BLNK: variants seen among roughly 807,000 people sequenced by gnomAD.
The protein encoded by BLNK is B-cell linker protein.
A neutral mutation model predicts 73.5 loss-of-function variants in BLNK; 29 were observed. That is an observed-to-expected ratio of 0.39 (90% CI 0.29 to 0.54). The LOEUF is 0.54. BLNK is among the 20% of genes least tolerant of loss of function. BLNK has a pLI of 0.61. For synonymous variants in BLNK, 176 were observed against 200.8 expected, an observed-to-expected ratio of 0.88 and a Z score of 1.04; for missense variants, 460 against 562.8, an observed-to-expected ratio of 0.82 and a Z score of 1.85.
chr10:96,219,796 A>C (rs1195889423), intron 6 of BLNK, among the ~76,000 whole-genome samples: 1 of 152,224 alleles, frequency 6.6e-6, no homozygotes, highest in Admixed American at 6.5e-5. Flanking sequence ...AAGCAGCCCC[A>C]AAATCATTTT....
chr10:96,213,959 G>A (rs902519146), intron 8 of BLNK, among the ~76,000 whole-genome samples: 2 of 152,214 alleles, frequency 1.3e-5, no homozygotes, highest in Admixed American at 6.5e-5. Context: ...GAGAGGTTAA[G>A]TAAAACCAGA....
intron 8 of BLNK, among the ~76,000 whole-genome samples, chr10:96,210,918 G>C (rs1043064639): frequency 4.1e-5 from 6 of 147,616 alleles, no homozygotes; most frequent in Non-Finnish European, 1.5e-5. Flanking sequence ...ACCCAGGCTG[G>C]AGTGCAGTGG....
intron 9 of BLNK, among the ~76,000 whole-genome samples, chr10:96,209,559 A>G (rs1294920104): frequency 6.6e-6 from 1 of 151,982 alleles, no homozygotes; most frequent in African/African-American, 2.4e-5. Flanking sequence ...CGCCTGGCTA[A>G]TTTTTGTATT....
intron 3 of BLNK, chr10:96,238,815 T>A: frequency 7.9e-6 from 2 of 252,682 alleles, no homozygotes. Flanking sequence ...CATCAATGGA[T>A]TTGCAGGGGT....
intron 1 of BLNK, among the ~76,000 whole-genome samples, chr10:96,256,026 A>G (rs1554911017): frequency 1.3e-5 from 2 of 152,188 alleles, no homozygotes; most frequent in African/African-American, 4.8e-5. Context: ...AAAATTGAAC[A>G]CTGCCAATAA....
At chr10:96,221,928 C>T (rs1554901224) in intron 6 of BLNK, among the ~76,000 whole-genome samples, 1 of 152,104 alleles carries the variant, frequency 6.6e-6, no homozygotes, top group African/African-American at 2.4e-5. Context: ...AAAAAAGAGA[C>T]CAGGATTCAC....
chr10:96,200,007 GCAT>G lies in BLNK; in HGVS notation c.1095+65_1095+67del, dbSNP rs60301802. The G allele has an allele frequency of 0.079, 92,032 of 1,159,098 alleles. 4,269 individuals carry two copies. Among genetic ancestry groups the G allele is most frequent in the South Asian group, 0.16 (6,118 of 38,944 alleles). The allele number at this position is 1,159,098 out of a possible 1,614,324, so 71.8% of individuals were successfully genotyped here. ...CGAGCCACTGCACTCCAGTGAAACTGCATCATCTCAAAACAAATAAATAAAATA... is the reference window on the plus strand; with the variant it reads ...CGAGCCACTGCACTCCAGTGAAACTGCATCTCAAAACAAATAAATAAAATA... On this transcript the variant is annotated intron_variant, in intron 15 of 16. Coordinates refer to ENST00000224337, the MANE Select transcript of BLNK (RefSeq NM_013314.4). This position sits in a 1 kb window ranked among gnomAD's most constrained non-coding sequence, Gnocchi z 4.3.
intron 8 of BLNK, among the ~76,000 whole-genome samples, chr10:96,213,626 A>G (rs1443638735): frequency 8.4e-6 from 1 of 118,594 alleles, no homozygotes; most frequent in African/African-American, 3.7e-5. Context: ...CTTGTAAGGC[A>G]GTGTGTTTTA....
At chr10:96,236,581 G>T (rs1842698648) in intron 3 of BLNK, among the ~76,000 whole-genome samples, 1 of 152,170 alleles carries the variant, frequency 6.6e-6, no homozygotes, top group African/African-American at 2.4e-5. Flanking sequence ...CAGCACTTTG[G>T]GAGGCCAGGG....
At position 96,247,101 on chromosome 10, in the gene BLNK, A is replaced by T. The variant is rs2168732; in HGVS notation, c.48-52T>A. ...ATATTAATAACCAGTCTGACTTTTTAAAAAAAGTCTCCTACTCTTCTCGAA... is the reference window on the plus strand; with the variant it reads ...ATATTAATAACCAGTCTGACTTTTTTAAAAAAGTCTCCTACTCTTCTCGAA... On this transcript the variant is annotated intron_variant, in intron 1 of 16. Transcript: ENST00000224337. The T allele has an allele frequency of 0.89, 1,145,630 of 1,285,840 alleles. 518,645 individuals are homozygous for T. The highest frequency in any genetic ancestry group is 0.94 in the Non-Finnish European group (857,147 of 914,210). The allele number at this position is 1,285,840 out of a possible 1,614,324, so 79.7% of individuals were successfully genotyped here. A position where few individuals can be genotyped will look rare whatever the true frequency, so the allele number is the denominator to read the frequency against.
chr10:96,216,551 G>T, intron 7 of BLNK, 102 bp downstream of exon 7: 1 of 1,007,236 alleles, frequency 9.9e-7, no homozygotes, highest in Non-Finnish European at 1.6e-6. Flanking sequence ...AAAGTCCTGG[G>T]CACTGTCATT....
intron 2 of BLNK, among the ~76,000 whole-genome samples, chr10:96,245,228 A>AT (rs1186600077): frequency 1.4e-4 from 22 of 152,268 alleles, no homozygotes; most frequent in African/African-American, 5.3e-4. Flanking sequence ...GTGATTTCTT[A>AT]TTTTTAATTT....
chr10:96,191,294 C>T lies in BLNK; in HGVS notation c.*679G>A, dbSNP rs782106874. 2.3e-4 allele frequency among the ~76,000 whole-genome samples: 34 copies of T among 144,856 alleles called. No homozygotes were observed. The highest frequency in any genetic ancestry group is 3.9e-4 in the African/African-American group (15 of 38,650). ...GTCTTGAGTATGTCTTTATTAGCAG[C>T]GTGATAATGGACTAATACAAACCTC... On this transcript the variant is annotated 3_prime_UTR_variant, in exon 17 of 17. Transcript: ENST00000224337.
At chr10:96,228,190 C>G (rs2134034655) in intron 4 of BLNK, among the ~76,000 whole-genome samples, 1 of 151,664 alleles carries the variant, frequency 6.6e-6, no homozygotes, top group Admixed American at 6.6e-5. Context: ...GCCTCTGCCT[C>G]CTGGGTTCCA....
chr10:96,222,938 C>A (rs987191484), intron 6 of BLNK, among the ~76,000 whole-genome samples: 2 of 152,256 alleles, frequency 1.3e-5, no homozygotes, highest in Middle Eastern at 3.4e-3. Context: ...TGTCAGGTGG[C>A]TGTTAATTGT....
At chr10:96,254,472 T>A (rs150558840) in intron 1 of BLNK, among the ~76,000 whole-genome samples, 128 of 152,278 alleles carry the variant, frequency 8.4e-4, no homozygotes, top group African/African-American at 2.1e-3. Flanking sequence ...AGGAGCTGAC[T>A]GTGTACAGCT....
At chr10:96,263,616 A>G (rs11591319) in intron 1 of BLNK, among the ~76,000 whole-genome samples, 63,593 of 152,056 alleles carry the variant, frequency 0.42, 14,365 homozygotes, top group Non-Finnish European at 0.52. Flanking sequence ...ACTCCCTTTC[A>G]GAAGGGAGGT....
intron 3 of BLNK, among the ~76,000 whole-genome samples, chr10:96,232,938 C>T (rs1842561548): frequency 6.6e-6 from 1 of 151,954 alleles, no homozygotes; most frequent in Non-Finnish European, 1.5e-5. Flanking sequence ...CCTCAGCCTC[C>T]TGAGTAACTG....
intron 8 of BLNK, among the ~76,000 whole-genome samples, chr10:96,212,820 G>A (rs1348686692): frequency 6.6e-6 from 1 of 152,190 alleles, no homozygotes; most frequent in Non-Finnish European, 1.5e-5. Flanking sequence ...CAGGCTAGTA[G>A]TCTGATCATT....
Sources: gnomAD v4.1 joint callset for allele counts (sites outside exome capture counted in the v4.1 genomes callset) on GRCh38, gnomAD v4.1.1 for gene constraint, Gnocchi (gnomAD v3.1) non-coding constraint, MANE v1.5 for transcripts, NCBI Gene and HGNC (gene_info 2026-07-23, HGNC 2026-07-21) for gene names.